The following COX7B2 variants were observed in gnomAD, a reference collection of about 807,000 sequenced individuals.
The protein encoded by COX7B2 is cytochrome c oxidase subunit 7B2, mitochondrial.
For missense variants in COX7B2, 109 were observed against 95.9 expected (o/e 1.14, Z -0.57); for synonymous variants, 37 against 32.1 (o/e 1.15, Z -0.51).
At chr4:46,849,867 G>A (rs890517607) in intron 1 of COX7B2, among the ~76,000 whole-genome samples, 2 of 152,012 alleles carry the variant, frequency 1.3e-5, no homozygotes, top group Non-Finnish European at 2.9e-5. Flanking sequence ...GCCCTGGTGT[G>A]TGATGTTCCC....
At chr4:46,784,967 G>A (rs1242892187) in intron 2 of COX7B2, among the ~76,000 whole-genome samples, 2 of 151,872 alleles carry the variant, frequency 1.3e-5, no homozygotes, top group African/African-American at 2.4e-5. Context: ...GTTTACTAAG[G>A]GAAATAATTA....
intron 1 of COX7B2, among the ~76,000 whole-genome samples, chr4:46,907,632 T>A (rs1463635515): frequency 6.6e-6 from 1 of 151,834 alleles, no homozygotes; most frequent in Non-Finnish European, 1.5e-5. Context: ...GCACCTCCTA[T>A]GGGTGGAGTC....
intron 2 of COX7B2, among the ~76,000 whole-genome samples, chr4:46,825,212 T>A (rs1473658298): frequency 6.6e-6 from 1 of 151,912 alleles, no homozygotes; most frequent in African/African-American, 2.4e-5. Flanking sequence ...TGTTCAAAAA[T>A]CATTAGCATT....
At chr4:46,822,900 CTA>C (rs1577611628) in intron 2 of COX7B2, among the ~76,000 whole-genome samples, 1 of 152,042 alleles carries the variant, frequency 6.6e-6, no homozygotes, top group East Asian at 1.9e-4. Flanking sequence ...AAAAACAAAA[CTA>C]TACAAATAGC....
chr4:46,880,081 CT>C (rs1055852256), intron 1 of COX7B2, among the ~76,000 whole-genome samples: 55 of 152,214 alleles, frequency 3.6e-4, no homozygotes, highest in African/African-American at 1.3e-3. Flanking sequence ...GTAATGTTTG[CT>C]GTGGGTTTGT....
In COX7B2 at chr4:46,787,502, T is replaced by C. The variant is rs139086453; in HGVS notation, c.-49-52261A>G. Among the ~76,000 whole-genome samples, 39 of 152,108 alleles carry C rather than the reference T, an allele frequency of 2.6e-4. No individual in the cohort carries two copies. The Middle Eastern group carries it at 0.01, about 40-fold the overall frequency. ...ATGTGACAGCTCTTTCATACCTCAT[T>C]TGGTACTTTCACCAGAACGGCTGGC... On this transcript the variant is annotated intron_variant, in intron 2 of 2. Transcript: ENST00000355591.
chr4:46,740,642 A>C (rs1294870241), intron 2 of COX7B2, among the ~76,000 whole-genome samples: 2 of 152,142 alleles, frequency 1.3e-5, no homozygotes, highest in Non-Finnish European at 1.5e-5. Context: ...TGGAGAGATG[A>C]CAAAAATGCC....
chr4:46,757,028 T>C (rs2109456572), intron 2 of COX7B2, among the ~76,000 whole-genome samples: 1 of 152,128 alleles, frequency 6.6e-6, no homozygotes, highest in South Asian at 2.1e-4. Context: ...AAAATATGGA[T>C]GGAATCAACC....
At chr4:46,762,849 C>CA (rs1384162829) in intron 2 of COX7B2, among the ~76,000 whole-genome samples, 1 of 148,142 alleles carries the variant, frequency 6.8e-6, no homozygotes, top group Non-Finnish European at 1.5e-5. Context: ...AATAAAGTTG[C>CA]AAAGCTGACA....
At chr4:46,758,535 A>G (rs1205722717) in intron 2 of COX7B2, among the ~76,000 whole-genome samples, 2 of 152,198 alleles carry the variant, frequency 1.3e-5, no homozygotes, top group African/African-American at 4.8e-5. Context: ...CAAGGGAAAA[A>G]TAACAAAGAG....
chr4:46,763,433 G>C (rs768531318), intron 2 of COX7B2, among the ~76,000 whole-genome samples: 3 of 151,432 alleles, frequency 2.0e-5, no homozygotes, highest in Non-Finnish European at 4.4e-5. Flanking sequence ...CCAGCTGTTT[G>C]AGTTGTCTTT....
chr4:46,824,452 G>A (rs906581345), intron 2 of COX7B2, among the ~76,000 whole-genome samples: 1 of 152,032 alleles, frequency 6.6e-6, no homozygotes, highest in African/African-American at 2.4e-5. Flanking sequence ...AGCCTCACTT[G>A]TACCAAAGTC....
At chr4:46,867,605 C>A (rs1401069606) in intron 1 of COX7B2, among the ~76,000 whole-genome samples, 1 of 152,222 alleles carries the variant, frequency 6.6e-6, no homozygotes, top group Non-Finnish European at 1.5e-5. Flanking sequence ...CCATACCCTG[C>A]TGCTCTGAGT....
In COX7B2 at chr4:46,885,374, C is replaced by T. The variant is rs376201512; in HGVS notation, c.-105+23786G>A. On this transcript the variant is annotated intron_variant, in intron 1 of 2. Transcript: ENST00000355591. Reference sequence around the variant, plus strand: ...AATAGAAATATAAAAAATTTTGAAACATTCCTCTTCTTCTCAAGGAGAAAT... The same window carrying T: ...AATAGAAATATAAAAAATTTTGAAATATTCCTCTTCTTCTCAAGGAGAAAT... Among the ~76,000 whole-genome samples the T allele has an allele frequency of 3.0e-4, 45 of 152,154 alleles. No individual in the cohort carries two copies. In the South Asian group the frequency reaches 9.1e-3, roughly 31 times the overall value.
intron 1 of COX7B2, among the ~76,000 whole-genome samples, chr4:46,891,698 T>C (rs1448509695): frequency 6.6e-6 from 1 of 152,180 alleles, no homozygotes; most frequent in South Asian, 2.1e-4. Context: ...TAGCCCTTCA[T>C]CCACTCTAGC....
At chr4:46,845,834 C>G (rs1054986993) in intron 1 of COX7B2, among the ~76,000 whole-genome samples, 1 of 151,970 alleles carries the variant, frequency 6.6e-6, no homozygotes, top group African/African-American at 2.4e-5. Flanking sequence ...TGAGAGGCAA[C>G]ATTTGATGTA....
At chr4:46,906,073 C>T (rs1481815236) in intron 1 of COX7B2, among the ~76,000 whole-genome samples, 1 of 151,950 alleles carries the variant, frequency 6.6e-6, no homozygotes, top group Non-Finnish European at 1.5e-5. Context: ...TCATGATCCA[C>T]CCGCCTCGGC....
intron 2 of COX7B2, among the ~76,000 whole-genome samples, chr4:46,783,290 A>C (rs1051504854): frequency 6.6e-6 from 1 of 152,228 alleles, no homozygotes; most frequent in Non-Finnish European, 1.5e-5. Context: ...TACTTTAGAG[A>C]CTACAGATTG....
At chr4:46,755,823 A>G (rs1715755444) in intron 2 of COX7B2, among the ~76,000 whole-genome samples, 1 of 152,130 alleles carries the variant, frequency 6.6e-6, no homozygotes, top group Non-Finnish European at 1.5e-5. Flanking sequence ...TGACACAAAC[A>G]AATGGAAAGC....
Sources: gnomAD v4.1 joint callset for allele counts (sites outside exome capture counted in the v4.1 genomes callset) on GRCh38, gnomAD v4.1.1 for gene constraint, MANE v1.5 for transcripts, NCBI Gene and HGNC (gene_info 2026-07-23, HGNC 2026-07-21) for gene names.